Variants in TRAF2 observed in about 807,000 individuals in gnomAD.
TRAF2 encodes TNF receptor-associated factor 2.
A neutral mutation model predicts 55.6 loss-of-function variants in TRAF2; 6 were observed. The ratio of observed to expected loss-of-function variants is 0.11; its 90% CI spans 0.06 to 0.21. The LOEUF (loss-of-function observed/expected upper bound fraction) is 0.21, where lower values mean the gene tolerates loss of function less well. Among genes scored for constraint, TRAF2 ranks in the 10% least tolerant of loss-of-function variants. TRAF2 has a pLI of 1.00. For synonymous variants in TRAF2, 329 were observed against 276.3 expected, an observed-to-expected ratio of 1.19 and a Z score of -1.89; for missense variants, 561 against 684.5, an observed-to-expected ratio of 0.82 and a Z score of 2.01.
At position 136,908,153 on chromosome 9, in the gene TRAF2, C is replaced by A; in HGVS notation, c.450C>A (p.Arg150=). The change falls in exon 5 of 11, where the codon CGC becomes CGA. Residue 150 remains arginine (R), a synonymous_variant. Coordinates refer to ENST00000247668, the MANE Select transcript of TRAF2 (RefSeq NM_021138.4). The part of the protein sequence containing the change: ...KGLVRLGEKE[R]HLEHECPERS... ...TGGTCCGCCTTGGTGAAAAGGAGCGCCACCTGGAGCACGAGTGCCCGGAGA... is the reference window on the plus strand; with the variant it reads ...TGGTCCGCCTTGGTGAAAAGGAGCGACACCTGGAGCACGAGTGCCCGGAGA... The A allele has an allele frequency of 1.2e-6, 2 of 1,604,118 alleles. No homozygotes were observed. Among genetic ancestry groups the A allele is most frequent in the Non-Finnish European group, 8.5e-7 (1 of 1,179,914 alleles).
chr9:136,919,995 G>A (rs1850344738), intron 7 of TRAF2, among the ~76,000 whole-genome samples: 2 of 152,234 alleles, frequency 1.3e-5, no homozygotes, highest in Admixed American at 6.5e-5. Flanking sequence ...TGGAATCACA[G>A]TTGCTAGCTA....
intron 1 of TRAF2, among the ~76,000 whole-genome samples, chr9:136,895,071 C>G (rs1849652934): frequency 6.6e-6 from 1 of 152,194 alleles, no homozygotes; most frequent in African/African-American, 2.4e-5. Context: ...AGACCTCTTT[C>G]TGGCACAGCA....
At chr9:136,913,818 C>T (rs376244823) in intron 6 of TRAF2, among the ~76,000 whole-genome samples, 3 of 152,080 alleles carry the variant, frequency 2.0e-5, no homozygotes, top group Non-Finnish European at 4.4e-5. Flanking sequence ...TCCTCTCCAT[C>T]TTTGCTGGTT....
chr9:136,909,852 G>A lies in TRAF2; in HGVS notation c.529-68G>A, dbSNP rs532774456. On this transcript the variant is annotated intron_variant, in intron 5 of 10. Coordinates refer to ENST00000247668, the MANE Select transcript of TRAF2 (RefSeq NM_021138.4). ...CTCGGCGCTGCCCAGCCTGAGCACT[G>A]TGTGCCGCCCTCCACCCGCGCCTGG... 1.1e-4 allele frequency: 167 copies of A among 1,541,372 alleles called. No individual in the cohort carries two copies. In the Admixed American group the frequency reaches 2.7e-3, roughly 25 times the overall value.
chr9:136,906,884 G>A (rs1282086353), intron 4 of TRAF2, among the ~76,000 whole-genome samples: 1 of 152,182 alleles, frequency 6.6e-6, no homozygotes, highest in African/African-American at 2.4e-5. Context: ...CTGCCACCCC[G>A]TTCTTCCTCC....
At chr9:136,920,611 A>G in intron 8 of TRAF2, 96 bp downstream of exon 8, 1 of 1,422,150 alleles carries the variant, frequency 7.0e-7, no homozygotes, top group South Asian at 1.5e-5. Flanking sequence ...GGAGCTTTAG[A>G]GCCCGGACAA....
At chr9:136,912,179 T>TTTTG (rs1306192419) in intron 6 of TRAF2, among the ~76,000 whole-genome samples, 1 of 62,994 alleles carries the variant, frequency 1.6e-5, no homozygotes, top group African/African-American at 7.2e-5. Context: ...TTTTTTTTTT[T>TTTTG]GGAGACAGAG....
intron 4 of TRAF2, among the ~76,000 whole-genome samples, chr9:136,905,364 A>G (rs889610109): frequency 3.3e-5 from 5 of 152,194 alleles, no homozygotes; most frequent in African/African-American, 4.8e-5. Flanking sequence ...AAGAAGATAA[A>G]GACTGCGTGA....
Position 136,908,144 on chromosome 9 carries a change from A to G in TRAF2, c.441A>G (p.Glu147=). Residue 147 remains glutamate (E), a synonymous_variant, in exon 5 of 11, where the codon GAA becomes GAG. Coordinates refer to ENST00000247668, the MANE Select transcript of TRAF2 (RefSeq NM_021138.4). The stretch of plus-strand genomic sequence containing the variant: ...GCAAAGGCCTGGTCCGCCTTGGTGA[A>G]AAGGAGCGCCACCTGGAGCACGAGT... ...PACKGLVRLG[E]KERHLEHECP... 6.2e-7 allele frequency: 1 copy of G among 1,604,874 alleles called. No homozygotes were observed.
intron 4 of TRAF2, chr9:136,901,832 C>T (rs1181866849): frequency 6.6e-6 from 1 of 152,394 alleles, no homozygotes; most frequent in African/African-American, 2.4e-5. Flanking sequence ...TTTCTCCTCT[C>T]CTGCTCCCCG....
chr9:136,902,779 CCT>C (rs1479690324), intron 4 of TRAF2, among the ~76,000 whole-genome samples: 3 of 152,310 alleles, frequency 2.0e-5, no homozygotes, highest in African/African-American at 4.8e-5. Context: ...CTCGGAGCCG[CCT>C]CTCTTTGCTC....
intron 2 of TRAF2, 95 bp from the exon 3 acceptor site, chr9:136,899,499 T>G (rs1196672996): frequency 2.4e-5 from 26 of 1,094,248 alleles, no homozygotes; most frequent in Non-Finnish European, 5.4e-6. Context: ...GTTTAAACTG[T>G]GGTGTGGAGG....
At chr9:136,918,451 G>A (rs1399192144) in intron 7 of TRAF2, among the ~76,000 whole-genome samples, 2 of 151,224 alleles carry the variant, frequency 1.3e-5, no homozygotes, top group African/African-American at 4.9e-5. Flanking sequence ...CACCACACCC[G>A]GCTAATTTTT....
intron 4 of TRAF2, among the ~76,000 whole-genome samples, chr9:136,904,530 C>T (rs551449696): frequency 3.3e-5 from 5 of 152,118 alleles, no homozygotes; most frequent in African/African-American, 1.2e-4. Flanking sequence ...CTCAGCCTCC[C>T]GAGTAGCTAG....
chr9:136,908,864 C>T lies in TRAF2; in HGVS notation c.528+633C>T, dbSNP rs17250393. On this transcript the variant is annotated intron_variant, in intron 5 of 10. Coordinates refer to ENST00000247668, the MANE Select transcript of TRAF2 (RefSeq NM_021138.4). ...CAGCCCAGGCGACAGAGCGAGATTC[C>T]GTCTCGGAAAAAAAAAAAAAAAAAA... Among the ~76,000 whole-genome samples the T allele has an allele frequency of 4.8e-4, 55 of 115,550 alleles. 1 individual carries two copies. The highest frequency in any genetic ancestry group is 2.0e-3 in the African/African-American group (55 of 28,120). 75.8% of individuals were successfully genotyped at this position (115,550 alleles called of 152,430 possible). A position where few individuals can be genotyped will look rare whatever the true frequency, so the allele number is the denominator to read the frequency against.
rs1170928532 is a variant in TRAF2 at position 136,888,004 on chromosome 9, G to T, written c.-29+1463G>T. On this transcript the variant is annotated intron_variant, in intron 1 of 10. Coordinates refer to ENST00000247668, the MANE Select transcript of TRAF2 (RefSeq NM_021138.4). ...TCTGCCTCAGCCTCCCGAGCAGCTG[G>T]GATTACAGGCGTGCACCACCACGCC... 3.3e-5 allele frequency among the ~76,000 whole-genome samples: 5 copies of T among 151,922 alleles called. No individual in the cohort carries two copies. The East Asian group carries it at 9.7e-4, about 29-fold the overall frequency.
In TRAF2 at chr9:136,892,393, G is replaced by A. The variant is rs576800412; in HGVS notation, c.-29+5852G>A. On this transcript the variant is annotated intron_variant, in intron 1 of 10. Transcript: ENST00000247668. The stretch of plus-strand genomic sequence containing the variant: ...GCAGGAGAATGGCGTGAACCTGGGC[G>A]GTGGAGGTTGCAGTGAGCCAAGATC... Among the ~76,000 whole-genome samples the A allele has an allele frequency of 3.3e-5, 5 of 152,232 alleles. No homozygotes were observed. In the East Asian group the frequency reaches 7.8e-4, roughly 24 times the overall value.
upstream of TRAF2, among the ~76,000 whole-genome samples, chr9:136,883,277 C>T (rs35695634): frequency 0.042 from 6,432 of 152,182 alleles, 228 homozygotes; most frequent in Non-Finnish European, 0.068. Context: ...TGAGACTGGG[C>T]GGCACGGGGC....
At chr9:136,908,800 G>A (rs1429539381) in intron 5 of TRAF2, among the ~76,000 whole-genome samples, 1 of 151,584 alleles carries the variant, frequency 6.6e-6, no homozygotes, top group Non-Finnish European at 1.5e-5. Flanking sequence ...AACCCAGGAG[G>A]CGGAGCTTGC....
Sources: allele counts gnomAD v4.1 joint callset (sites outside exome capture counted in the v4.1 genomes callset), GRCh38; gene constraint gnomAD v4.1.1; transcripts MANE v1.5; gene names NCBI Gene and HGNC (gene_info 2026-07-23, HGNC 2026-07-21).